Variants in SYCE3 observed in about 807,000 individuals in gnomAD.
SYCE3 encodes synaptonemal complex central element protein 3.
SYCE3 carries 3 observed loss-of-function variants against 8.1 expected under a neutral mutation model. The observed-to-expected ratio is 0.37, with a 90% CI of 0.17 to 0.96. The LOEUF (loss-of-function observed/expected upper bound fraction) is 0.96. Ranked by LOEUF, SYCE3 falls within the 40% of genes least tolerant of loss-of-function variation. The pLI is 0.41. For synonymous variants in SYCE3, 36 were observed against 38.7 expected (o/e 0.93, Z 0.26); for missense variants, 83 against 110.0 (o/e 0.75, Z 1.10).
chr22:50,553,430 T>A lies in SYCE3; in HGVS notation c.110-2028A>T, dbSNP rs139720099. Among the ~76,000 whole-genome samples, 12 of 152,278 alleles carry A rather than the reference T, an allele frequency of 7.9e-5. No individual in the cohort carries two copies. The East Asian group carries it at 2.3e-3, about 29-fold the overall frequency. ...ATTACTCTTATAATTGTCAAACTTA[T>A]CTCCCCTCATTTTGCTTCCAAGGAA... On this transcript the variant is annotated intron_variant, in intron 2 of 2. Transcript: ENST00000406915.
At chr22:50,558,067 G>A (rs1187254933) in intron 1 of SYCE3, among the ~76,000 whole-genome samples, 1 of 152,162 alleles carries the variant, frequency 6.6e-6, no homozygotes, top group African/African-American at 2.4e-5. Flanking sequence ...AAAACAGCAA[G>A]TGCTTAATAA....
chr22:50,556,562 T>C, intron 1 of SYCE3, 157 bp from the exon 2 acceptor site: 1 of 567,498 alleles, frequency 1.8e-6, no homozygotes, highest in Non-Finnish European at 3.1e-6. Flanking sequence ...GAAGGTTAAA[T>C]GGGAACATGT....
At chr22:50,557,691 A>G (rs2069874233) in intron 1 of SYCE3, among the ~76,000 whole-genome samples, 1 of 151,948 alleles carries the variant, frequency 6.6e-6, no homozygotes, top group African/African-American at 2.4e-5. Context: ...ATGCTCACCT[A>G]TTTATCTACA....
intron 2 of SYCE3, among the ~76,000 whole-genome samples, chr22:50,553,994 C>A (rs1403755706): frequency 6.6e-6 from 1 of 151,500 alleles, no homozygotes; most frequent in Non-Finnish European, 1.5e-5. Context: ...GAGATTGAGA[C>A]CATCCTGGCT....
chr22:50,556,167 T>C (rs1197365819), intron 2 of SYCE3, 130 bp downstream of exon 2: 1 of 635,356 alleles, frequency 1.6e-6, no homozygotes, highest in African/African-American at 1.8e-5. Context: ...AGCTGTACCC[T>C]GCCAACCTTG....
At chr22:50,552,680 T>C (rs767135762) in intron 2 of SYCE3, among the ~76,000 whole-genome samples, 31 of 152,298 alleles carry the variant, frequency 2.0e-4, no homozygotes, top group Non-Finnish European at 4.0e-4. Flanking sequence ...GGGTGATATA[T>C]GTAAACTGCC....
chr22:50,560,877 G>A (rs138542635), intron 1 of SYCE3, among the ~76,000 whole-genome samples: 8 of 152,260 alleles, frequency 5.3e-5, no homozygotes, highest in African/African-American at 1.9e-4. Flanking sequence ...TGGCAAGGGG[G>A]GGATTTCAGG....
chr22:50,559,494 T>A (rs1280183869), intron 1 of SYCE3, among the ~76,000 whole-genome samples: 1 of 152,164 alleles, frequency 6.6e-6, no homozygotes, highest in Non-Finnish European at 1.5e-5. Context: ...GTGATGTGAT[T>A]TGAATAATGA....
At position 50,556,406 on chromosome 22, in the gene SYCE3, C is replaced by T; in HGVS notation, c.1-1G>A. The T allele has an allele frequency of 6.5e-7, 1 of 1,548,596 alleles. No homozygotes were observed. The highest frequency in any genetic ancestry group is 1.7e-4 in the Middle Eastern group (1 of 5,990). On this transcript the variant is annotated splice_acceptor_variant, in intron 1 of 2. Coordinates refer to ENST00000406915, the MANE Select transcript of SYCE3 (RefSeq NM_001123225.3). LOFTEE classifies it low-confidence loss of function (5UTR_SPLICE). The stretch of plus-strand genomic sequence containing the variant: ...TTTCCTCAGGGTCAGCATCATCCAT[C>T]TAGGCAATGCACAGAAAGAAGCTGC...
chr22:50,551,313 C>T lies in SYCE3; in HGVS notation c.199G>A (p.Val67Ile), dbSNP rs55829948. ...TTCTCCATCTCCTCCTTGCAGTTGA[C>T]GAAGGCATCCTCCAGCCGACGCATG... ...ESMRRLEDAFVNCKEEMEKNW... is the reference protein window; with the variant it reads ...ESMRRLEDAFINCKEEMEKNW... The change falls in exon 3 of 3, where the codon GTC becomes ATC. Residue 67 changes from valine to isoleucine, a missense_variant. Val to Ile is a conservative substitution (Grantham distance 29). Transcript: ENST00000406915. The T allele has an allele frequency of 6.1e-3, 9,493 of 1,551,270 alleles. 47 individuals carry two copies. Among genetic ancestry groups the T allele is most frequent in the Non-Finnish European group, 7.0e-3 (8,028 of 1,146,964 alleles).
At chr22:50,561,438 G>A (rs914740815) in intron 1 of SYCE3, among the ~76,000 whole-genome samples, 1 of 151,292 alleles carries the variant, frequency 6.6e-6, no homozygotes, top group African/African-American at 2.4e-5. Flanking sequence ...GGGATGACTG[G>A]GAACGGGTGG....
intron 1 of SYCE3, among the ~76,000 whole-genome samples, chr22:50,557,710 G>C (rs2069874375): frequency 6.8e-6 from 1 of 146,096 alleles, no homozygotes; most frequent in Non-Finnish European, 1.5e-5. Context: ...CAAGGCACTA[G>C]TAAGAAAAGA....
chr22:50,551,440 G>T, intron 2 of SYCE3, 38 bp from the exon 3 acceptor site: 1 of 1,530,028 alleles, frequency 6.5e-7, no homozygotes. Context: ...GCCACAGGGA[G>T]GGGCTGCAGC....
chr22:50,553,553 G>C (rs1280715794), intron 2 of SYCE3, among the ~76,000 whole-genome samples: 2 of 152,104 alleles, frequency 1.3e-5, no homozygotes, highest in Non-Finnish European at 2.9e-5. Context: ...ATGCCCTGCT[G>C]CTAAAACGAT....
intron 1 of SYCE3, among the ~76,000 whole-genome samples, chr22:50,559,153 GTC>G (rs1251964310): frequency 6.6e-6 from 1 of 150,416 alleles, no homozygotes; most frequent in African/African-American, 2.5e-5. Flanking sequence ...TTGAGACGGA[GTC>G]TCACTCTGTT....
chr22:50,552,311 C>T (rs1201913322), intron 2 of SYCE3, among the ~76,000 whole-genome samples: 1 of 152,192 alleles, frequency 6.6e-6, no homozygotes, highest in Non-Finnish European at 1.5e-5. Context: ...GAGTACGCCT[C>T]CCAGCTCCCC....
chr22:50,561,036 C>T (rs985222579), intron 1 of SYCE3, among the ~76,000 whole-genome samples: 4 of 152,140 alleles, frequency 2.6e-5, no homozygotes, highest in Non-Finnish European at 5.9e-5. Context: ...GCCACATGGC[C>T]ACAGTGTCCT....
At chr22:50,560,181 A>G (rs1163176791) in intron 1 of SYCE3, among the ~76,000 whole-genome samples, 1 of 152,266 alleles carries the variant, frequency 6.6e-6, no homozygotes, top group East Asian at 1.9e-4. Flanking sequence ...GAGATATTAC[A>G]CCAGTGTCAA....
intron 1 of SYCE3, among the ~76,000 whole-genome samples, chr22:50,561,518 CGGGAGGAG>C: frequency 4.2e-5 from 1 of 23,996 alleles, no homozygotes; most frequent in South Asian, 1.6e-3. Flanking sequence ...AAGTGTGGGG[CGGGAGGAG>C]CGTGGGGCGG....
Sources: allele counts gnomAD v4.1 joint callset (sites outside exome capture counted in the v4.1 genomes callset), GRCh38; gene constraint gnomAD v4.1.1; transcripts MANE v1.5; gene names NCBI Gene and HGNC (gene_info 2026-07-23, HGNC 2026-07-21).